Variants in RIPK1 observed in about 807,000 individuals in gnomAD.
RIPK1 encodes receptor-interacting serine/threonine-protein kinase 1.
In RIPK1, 27 loss-of-function variants were observed where a neutral mutation model predicts 62.4. The ratio of observed to expected loss-of-function variants is 0.43; its 90% confidence interval spans 0.32 to 0.60. RIPK1 has a LOEUF of 0.60. Among genes scored for constraint, RIPK1 ranks in the 20% least tolerant of loss-of-function variants. The probability of loss-of-function intolerance (pLI) is 0.07; values close to 1 mark genes in which losing one functional copy is unlikely to be tolerated. For synonymous variants in RIPK1, 287 were observed against 303.2 expected, an observed-to-expected ratio of 0.95 and a Z score of 0.55; for missense variants, 735 against 831.0, an observed-to-expected ratio of 0.88 and a Z score of 1.42.
At position 3,072,671 on chromosome 6, in the gene RIPK1, A is replaced by C. The variant is rs1387652860; in HGVS notation, c.-61+4010A>C. ...GTGAACTTCATGAGAAATAATTCTC[A>C]ATTACAGTACTGTCTTACCTATGGA... On this transcript the variant is annotated intron_variant, in intron 1 of 10. Transcript: ENST00000259808. The surrounding 1 kb of genome is among the most constrained non-coding windows in gnomAD (Gnocchi z 5.6). 2.6e-5 allele frequency among the ~76,000 whole-genome samples: 4 copies of C among 152,204 alleles called. No homozygotes were observed. Among genetic ancestry groups the C allele is most frequent in the Non-Finnish European group, 5.9e-5 (4 of 68,042 alleles).
chr6:3,087,669 A>C (rs902946427), intron 6 of RIPK1, among the ~76,000 whole-genome samples: 3 of 151,632 alleles, frequency 2.0e-5, no homozygotes, highest in Non-Finnish European at 4.4e-5. Flanking sequence ...CCTCCCGAGT[A>C]GCTGGGACTA....
intron 10 of RIPK1, among the ~76,000 whole-genome samples, chr6:3,111,545 T>C (rs1761157880): frequency 6.6e-6 from 1 of 151,450 alleles, no homozygotes; most frequent in Non-Finnish European, 1.5e-5. Flanking sequence ...GAACCAATAG[T>C]AAATGTTAGG....
At chr6:3,077,485 G>C (rs571075887) in intron 2 of RIPK1, among the ~76,000 whole-genome samples, 36 of 151,170 alleles carry the variant, frequency 2.4e-4, no homozygotes, top group African/African-American at 8.8e-4. Context: ...GTTCTGTCCA[G>C]CACGGTCTTT....
intron 7 of RIPK1, among the ~76,000 whole-genome samples, chr6:3,090,713 C>A (rs1760011858): frequency 6.6e-6 from 1 of 152,178 alleles, no homozygotes; most frequent in East Asian, 1.9e-4. Flanking sequence ...ATGACGAACA[C>A]ACTTGACGTA....
At chr6:3,094,728 A>G (rs1288238870) in intron 7 of RIPK1, among the ~76,000 whole-genome samples, 1 of 152,026 alleles carries the variant, frequency 6.6e-6, no homozygotes, top group Non-Finnish European at 1.5e-5. Flanking sequence ...CTAACAGCGG[A>G]TCAAAAAATC....
intron 9 of RIPK1, among the ~76,000 whole-genome samples, chr6:3,109,328 C>T (rs1761035342): frequency 6.6e-6 from 1 of 152,006 alleles, no homozygotes; most frequent in Admixed American, 6.6e-5. Context: ...GTGGGGAGGT[C>T]AGCAGTCCAG....
At chr6:3,112,196 T>C (rs1350588198) in intron 10 of RIPK1, among the ~76,000 whole-genome samples, 1 of 152,128 alleles carries the variant, frequency 6.6e-6, no homozygotes, top group Non-Finnish European at 1.5e-5. Flanking sequence ...AGAGTATAGT[T>C]ACCTCGTCGC....
rs928703152 is a variant in RIPK1, at chr6:3,072,783, G to A, written c.-60-3981G>A. Among the ~76,000 whole-genome samples the A allele has an allele frequency of 9.2e-5, 14 of 152,190 alleles. No homozygotes were observed. Among genetic ancestry groups the A allele is most frequent in the African/African-American group, 2.4e-4 (10 of 41,434 alleles). On this transcript the variant is annotated intron_variant, in intron 1 of 10. Transcript: ENST00000259808. This position sits in a 1 kb window ranked among gnomAD's most constrained non-coding sequence, Gnocchi z 5.6. ...ACCAGGCAAGAAGTTGGAAGAATAT[G>A]GCCTAAGAGGGTGGGGCGGATGACC...
At chr6:3,107,582 A>T (rs1760925436) in intron 9 of RIPK1, among the ~76,000 whole-genome samples, 1 of 151,436 alleles carries the variant, frequency 6.6e-6, no homozygotes, top group African/African-American at 2.4e-5. Context: ...AAAAAAAAAA[A>T]AAAAATTCCA....
Position 3,113,183 on chromosome 6 carries a change from G to C in RIPK1, c.1860G>C (p.Glu620Asp). The change falls in exon 11 of 11, where the codon GAG (glutamate) becomes GAC (aspartate). Residue 620 changes from glutamate to aspartate, a missense_variant. Glu to Asp is a conservative substitution (Grantham distance 45). Transcript: ENST00000259808. This position sits in a 1 kb window ranked among gnomAD's most constrained non-coding sequence, Gnocchi z 5.0. ...TTGATGAAATTGACCATGACTATGA[G>C]CGAGATGGACTGAAAGAAAAGGTTT... is the stretch of plus-strand genomic sequence containing the variant. The part of the protein sequence containing the change: ...SQIDEIDHDY[E>D]RDGLKEKVYQ... 6.2e-7 allele frequency: 1 copy of C among 1,614,030 alleles called. No homozygotes were observed. The highest frequency in any genetic ancestry group is 1.3e-5 in the African/African-American group (1 of 75,056).
At chr6:3,073,306 A>G (rs1758855136) in intron 1 of RIPK1, among the ~76,000 whole-genome samples, 1 of 151,782 alleles carries the variant, frequency 6.6e-6, no homozygotes, top group Non-Finnish European at 1.5e-5. Flanking sequence ...GTATACATAC[A>G]TGAACGTATA....
At chr6:3,064,638 C>T (rs1304749895), upstream of RIPK1, among the ~76,000 whole-genome samples, 1 of 152,098 alleles carries the variant, frequency 6.6e-6, no homozygotes, top group African/African-American at 2.4e-5. Flanking sequence ...GAGGAAGGGT[C>T]GTGCTGGGGA....
intron 7 of RIPK1, among the ~76,000 whole-genome samples, chr6:3,100,478 GTGATA>G (rs1200550788): frequency 6.6e-6 from 1 of 152,122 alleles, no homozygotes; most frequent in Non-Finnish European, 1.5e-5. Context: ...GAGAATAAGA[GTGATA>G]TGCATCACAC....
At chr6:3,065,162 CAGG>C (rs537559697), upstream of RIPK1, among the ~76,000 whole-genome samples, 9 of 148,156 alleles carry the variant, frequency 6.1e-5, no homozygotes, top group South Asian at 2.1e-4. Context: ...GAGGCTGAGG[CAGG>C]AGAATGGCGT....
upstream of RIPK1, chr6:3,068,180 A>T (rs1012002449): frequency 2.3e-5 from 23 of 980,502 alleles, no homozygotes; most frequent in Non-Finnish European, 2.8e-5. Context: ...GCCCCACTTT[A>T]CAGATGAAGG....
Position 3,077,274 on chromosome 6 carries a change from CAGG to C in RIPK1, c.164+292_164+294del, listed in dbSNP as rs1244736931. ...TGGTGGGGGGACAATGAAAAGGAAA[CAGG>C]AGGATGGGTGAAGACAGACCTATTC... On this transcript the variant is annotated intron_variant, in intron 2 of 10. Transcript: ENST00000259808. Among the ~76,000 whole-genome samples, 3 of 152,100 alleles carry C rather than the reference CAGG, an allele frequency of 2.0e-5. No individual in the cohort carries two copies. In the South Asian group the frequency reaches 6.2e-4, roughly 32 times the overall value.
intron 7 of RIPK1, among the ~76,000 whole-genome samples, chr6:3,098,303 A>G (rs1760418814): frequency 6.6e-6 from 1 of 152,250 alleles, no homozygotes; most frequent in African/African-American, 2.4e-5. Flanking sequence ...AAGATATGCA[A>G]CCCAGTTAAA....
At chr6:3,083,429 T>A in intron 5 of RIPK1, 116 bp downstream of exon 5, 3 of 778,026 alleles carry the variant, frequency 3.9e-6, no homozygotes, top group Non-Finnish European at 6.2e-6. Context: ...CATTTAGGAA[T>A]CAGTGATCAT....
In RIPK1 at chr6:3,105,563, T is replaced by A; in HGVS notation, c.1088T>A (p.Leu363Gln). ...GAGGAGTCCTGGTTTGCTCCTTCCC[T>A]GGAGCACCCACAAGAAGAGAATGAG... ...PVEESWFAPS[L>Q]EHPQEENEPS... Residue 363 changes from leucine (L) to glutamine (Q), a missense_variant, in exon 9 of 11, where the codon CTG becomes CAG. Physicochemically the swap from Leu to Gln is moderately radical, Grantham distance 113. Around this residue, in one of 2 missense-constraint regions of RIPK1, gnomAD observed 671 missense variants for 726.2 expected, o/e 0.92. Coordinates refer to ENST00000259808, the MANE Select transcript of RIPK1 (RefSeq NM_001354930.2). The surrounding 1 kb of genome is among the most constrained non-coding windows in gnomAD (Gnocchi z 4.5). 6.2e-7 allele frequency: 1 copy of A among 1,612,800 alleles called. No individual in the cohort carries two copies.
Sources: allele counts gnomAD v4.1 joint callset (sites outside exome capture counted in the v4.1 genomes callset), GRCh38; gene constraint gnomAD v4.1.1; regional missense constraint gnomAD v4.1.1; non-coding constraint Gnocchi (gnomAD v3.1); transcripts MANE v1.5; gene names NCBI Gene and HGNC (gene_info 2026-07-23, HGNC 2026-07-21).